The following DLGAP1 variants were observed in gnomAD, a reference collection of about 807,000 sequenced individuals.
DLGAP1 encodes DLG associated protein 1.
In DLGAP1, 11 loss-of-function variants were observed where a neutral mutation model predicts 90.8. That is an observed-to-expected ratio of 0.12 (90% CI 0.08 to 0.20). DLGAP1 has a LOEUF of 0.20. DLGAP1 is among the 10% of genes least tolerant of loss of function. The probability of loss-of-function intolerance (pLI) is 1.00; values close to 1 mark genes in which losing one functional copy is unlikely to be tolerated. For missense variants in DLGAP1, 1,050 were observed against 1,333.8 expected (o/e 0.79, Z 3.31); for synonymous variants, 558 against 540.7 (o/e 1.03, Z -0.44).
At chr18:4,065,922 A>G (rs940291398) in intron 2 of DLGAP1, among the ~76,000 whole-genome samples, 5 of 151,676 alleles carry the variant, frequency 3.3e-5, no homozygotes, top group African/African-American at 1.2e-4. Context: ...AAACTATACT[A>G]CAAAGCTACA....
At chr18:3,760,880 C>T (rs1024565711) in intron 5 of DLGAP1, among the ~76,000 whole-genome samples, 1 of 152,136 alleles carries the variant, frequency 6.6e-6, no homozygotes, top group Non-Finnish European at 1.5e-5. Context: ...GAAGTTTGTT[C>T]TGGTGGATTT....
intron 3 of DLGAP1, among the ~76,000 whole-genome samples, chr18:3,929,447 G>T (rs1367955762): frequency 2.0e-5 from 3 of 152,176 alleles, no homozygotes; most frequent in Non-Finnish European, 4.4e-5. Flanking sequence ...ATGGGTTTTG[G>T]TTCAAAAGTC....
chr18:3,900,258 T>C (rs1599134446), intron 3 of DLGAP1, among the ~76,000 whole-genome samples: 1 of 152,312 alleles, frequency 6.6e-6, no homozygotes, highest in Middle Eastern at 3.4e-3. Context: ...TGTGAGTTAC[T>C]GGAAGTTTGA....
At chr18:4,039,926 C>A (rs1371756405) in intron 2 of DLGAP1, among the ~76,000 whole-genome samples, 1 of 152,196 alleles carries the variant, frequency 6.6e-6, no homozygotes, top group Non-Finnish European at 1.5e-5. Context: ...ACCTTTGAGT[C>A]AGCATCATAC....
intron 3 of DLGAP1, among the ~76,000 whole-genome samples, chr18:3,985,343 C>A (rs1254907859): frequency 6.6e-6 from 1 of 152,098 alleles, no homozygotes; most frequent in African/African-American, 2.4e-5. Flanking sequence ...ATACTAAGCT[C>A]TGAAAAAATA....
intron 7 of DLGAP1, chr18:3,655,992 A>G: frequency 7.9e-7 from 1 of 1,260,246 alleles, no homozygotes. Context: ...ACATGGCGTC[A>G]AACACCACTG....
intron 7 of DLGAP1, among the ~76,000 whole-genome samples, chr18:3,666,417 C>A (rs761531097): frequency 2.0e-5 from 3 of 152,136 alleles, no homozygotes; most frequent in Non-Finnish European, 4.4e-5. Flanking sequence ...AAGCCAGACC[C>A]GAGTTTCCTA....
intron 7 of DLGAP1, among the ~76,000 whole-genome samples, chr18:3,605,431 T>C (rs2057284198): frequency 6.6e-6 from 1 of 152,240 alleles, no homozygotes; most frequent in African/African-American, 2.4e-5. Flanking sequence ...AGTCAGTAAA[T>C]ATTTCTTGGT....
chr18:3,967,040 T>C (rs2073346161), intron 3 of DLGAP1, among the ~76,000 whole-genome samples: 1 of 152,032 alleles, frequency 6.6e-6, no homozygotes, highest in Non-Finnish European at 1.5e-5. Flanking sequence ...GGAGGTGAGG[T>C]AGTCCAGAAC....
At chr18:3,714,016 C>T (rs931690992) in intron 7 of DLGAP1, among the ~76,000 whole-genome samples, 13 of 152,202 alleles carry the variant, frequency 8.5e-5, no homozygotes, top group Non-Finnish European at 1.8e-4. Context: ...CCGACTTGAT[C>T]AACCAATTCT....
In DLGAP1 at chr18:4,222,462, C is replaced by G. The variant is rs184681139; in HGVS notation, c.-266-71175G>C. ...AACAATTCTGTACATCAGGGTAAAA[C>G]TGCAGATAAAGATATGCTCATTTGC... On this transcript the variant is annotated intron_variant, in intron 1 of 12. Transcript: ENST00000315677. Among the ~76,000 whole-genome samples, 6 of 152,246 alleles carry G rather than the reference C, an allele frequency of 3.9e-5. No individual in the cohort carries two copies. In the East Asian group the frequency reaches 9.6e-4, roughly 24 times the overall value.
chr18:3,779,222 G>A (rs1346524497), intron 5 of DLGAP1, among the ~76,000 whole-genome samples: 2 of 152,144 alleles, frequency 1.3e-5, no homozygotes, highest in Non-Finnish European at 2.9e-5. Context: ...AAAAGGCAAT[G>A]CCACCAGTTT....
intron 5 of DLGAP1, among the ~76,000 whole-genome samples, chr18:3,755,224 A>G (rs2063672505): frequency 6.6e-6 from 1 of 152,142 alleles, no homozygotes; most frequent in African/African-American, 2.4e-5. Flanking sequence ...GGAGGAACAG[A>G]GGCAACAAAG....
intron 2 of DLGAP1, among the ~76,000 whole-genome samples, chr18:4,138,451 T>A (rs2076442506): frequency 6.6e-6 from 1 of 152,064 alleles, no homozygotes; most frequent in African/African-American, 2.4e-5. Flanking sequence ...TGTTGACTGA[T>A]TCATCTGCAT....
rs1259859536 is a variant in DLGAP1 at position 4,233,918 on chromosome 18, A to G, written c.-266-82631T>C. On this transcript the variant is annotated intron_variant, in intron 1 of 12. Transcript: ENST00000315677. ...AATAAACATAATACAAATGTATTCT[A>G]TTTTCCTCCTGTCATGCTATACTAC... 2.6e-5 allele frequency among the ~76,000 whole-genome samples: 4 copies of G among 152,204 alleles called. No homozygotes were observed. The East Asian group carries it at 5.8e-4, about 22-fold the overall frequency.
chr18:3,798,023 G>A (rs2066092877), intron 5 of DLGAP1, among the ~76,000 whole-genome samples: 1 of 152,150 alleles, frequency 6.6e-6, no homozygotes, highest in Non-Finnish European at 1.5e-5. Context: ...CCATGATTGT[G>A]AGGCCTCCCC....
At chr18:3,658,022 T>C (rs922483323) in intron 7 of DLGAP1, among the ~76,000 whole-genome samples, 1 of 152,204 alleles carries the variant, frequency 6.6e-6, no homozygotes, top group Non-Finnish European at 1.5e-5. Flanking sequence ...CCAACAAACT[T>C]ACTATTATTA....
intron 1 of DLGAP1, among the ~76,000 whole-genome samples, chr18:4,159,348 C>T (rs1471681836): frequency 1.3e-5 from 2 of 152,160 alleles, no homozygotes; most frequent in African/African-American, 2.4e-5. Context: ...TTTCCTTCTC[C>T]AATACTGTAA....
At chr18:3,661,571 C>CTTTTTTTTTTTTTTTT (rs10549959) in intron 7 of DLGAP1, among the ~76,000 whole-genome samples, 1 of 125,270 alleles carries the variant, frequency 8.0e-6, no homozygotes, top group African/African-American at 2.9e-5. Flanking sequence ...GCTGTAAGGT[C>CTTTTTTTTTTTTTTTT]TTTTTTTTTT....
Sources: allele counts gnomAD v4.1 joint callset (sites outside exome capture counted in the v4.1 genomes callset), GRCh38; gene constraint gnomAD v4.1.1; transcripts MANE v1.5; gene names NCBI Gene and HGNC (gene_info 2026-07-23, HGNC 2026-07-21).